Variants in KDM4A observed in about 807,000 individuals in gnomAD.
The protein encoded by KDM4A is lysine-specific demethylase 4A.
Under a neutral mutation model 127.1 loss-of-function variants are expected in KDM4A, and 23 were observed. The observed-to-expected ratio is 0.18, with a 90% CI of 0.13 to 0.26. The LOEUF is 0.26. Ranked by LOEUF, KDM4A falls within the 10% of genes least tolerant of loss-of-function variation. The pLI is 1.00. For synonymous variants in KDM4A, 443 were observed against 466.5 expected (o/e 0.95, Z 0.65); for missense variants, 890 against 1,329.1 (o/e 0.67, Z 5.14).
chr1:43,701,470 C>CT (rs1362065073), intron 19 of KDM4A, among the ~76,000 whole-genome samples: 1 of 152,088 alleles, frequency 6.6e-6, no homozygotes, highest in Non-Finnish European at 1.5e-5. Flanking sequence ...TTGTCAGTCA[C>CT]TTTTTTCTTT....
chr1:43,654,499 C>A (rs1425841685), intron 2 of KDM4A, among the ~76,000 whole-genome samples: 2 of 149,544 alleles, frequency 1.3e-5, no homozygotes, highest in African/African-American at 4.9e-5. Context: ...ACATATATTC[C>A]TCCCTCTAGG....
chr1:43,674,909 C>G (rs1246180510), intron 11 of KDM4A, among the ~76,000 whole-genome samples: 1 of 152,108 alleles, frequency 6.6e-6, no homozygotes, highest in Non-Finnish European at 1.5e-5. Flanking sequence ...AGAATGCACT[C>G]CCTCTCCAAA....
At chr1:43,689,712 A>G (rs3791036) in intron 13 of KDM4A, among the ~76,000 whole-genome samples, 102,966 of 152,092 alleles carry the variant, frequency 0.68, 35,228 homozygotes, top group East Asian at 0.72. Context: ...GCAGGTGCCA[A>G]GGGACCAGCT....
intron 10 of KDM4A, among the ~76,000 whole-genome samples, chr1:43,670,556 A>ATT (rs35331772): frequency 0.014 from 1,044 of 76,118 alleles, 36 homozygotes; most frequent in African/African-American, 0.04. Context: ...CGCCTGGCTA[A>ATT]TTTTTTTTTT....
intron 12 of KDM4A, among the ~76,000 whole-genome samples, chr1:43,686,839 T>G (rs1428541490): frequency 6.6e-6 from 1 of 152,252 alleles, no homozygotes; most frequent in African/African-American, 2.4e-5. Context: ...TTCAGTGATA[T>G]GCACACATTT....
At chr1:43,680,025 G>A (rs1159171843) in intron 11 of KDM4A, among the ~76,000 whole-genome samples, 3 of 152,134 alleles carry the variant, frequency 2.0e-5, no homozygotes, top group South Asian at 2.1e-4. Flanking sequence ...CTAGTTGGTC[G>A]AACCCTGACC....
At chr1:43,665,976 C>T (rs1458531725) in intron 6 of KDM4A, among the ~76,000 whole-genome samples, 2 of 152,028 alleles carry the variant, frequency 1.3e-5, no homozygotes, top group African/African-American at 2.4e-5. Flanking sequence ...CTTTGACCAG[C>T]GATAATGAAC....
chr1:43,692,260 G>A lies in KDM4A; in HGVS notation c.2324G>A (p.Cys775Tyr). Residue 775 changes from cysteine (C) to tyrosine (Y), a missense_variant, in exon 16 of 22, where the codon TGC becomes TAC. Coordinates refer to ENST00000372396, the MANE Select transcript of KDM4A (RefSeq NM_014663.3). ...RCSANALEED[C>Y]CLCSLRGGAL... ...CTCCCTCTCCTTTCTTGGCAGGACT[G>A]CTGTTTATGCTCATTACGAGGAGGG... The A allele has an allele frequency of 6.2e-7, 1 of 1,614,136 alleles. No individual in the cohort carries two copies. Among genetic ancestry groups the A allele is most frequent in the Non-Finnish European group, 8.5e-7 (1 of 1,179,974 alleles).
Position 43,668,086 on chromosome 1 carries a change from T to G in KDM4A, c.1163+67T>G, listed in dbSNP as rs546865718. On this transcript the variant is annotated intron_variant, in intron 9 of 21. Transcript: ENST00000372396. ...ATGTCTGGGTAGGTCCTGTAATCTG[T>G]GGAGAGGCTGTTTCTTGTTTTTTTT... 876 of 1,558,866 alleles carry G rather than the reference T, an allele frequency of 5.6e-4. 3 individuals are homozygous for G. The African/African-American group carries it at 0.011, about 19-fold the overall frequency.
chr1:43,661,050 C>T (rs1660363713), intron 4 of KDM4A, among the ~76,000 whole-genome samples: 1 of 151,638 alleles, frequency 6.6e-6, no homozygotes, highest in African/African-American at 2.4e-5. Context: ...TCTCAGCTTA[C>T]CGCAACCTCC....
At position 43,686,948 on chromosome 1, in the gene KDM4A, G is replaced by A. The variant is rs143155035; in HGVS notation, c.1856-1966G>A. ...AGTGAACATTTTCCCTCATCATTCA[G>A]TATTCACAAATGGAATGATCTGGGG... On this transcript the variant is annotated intron_variant, in intron 12 of 21. Coordinates refer to ENST00000372396, the MANE Select transcript of KDM4A (RefSeq NM_014663.3). 1.2e-4 allele frequency among the ~76,000 whole-genome samples: 19 copies of A among 152,268 alleles called. No homozygotes were observed. The East Asian group carries it at 3.7e-3, about 29-fold the overall frequency.
Position 43,693,670 on chromosome 1 carries a change from C to T in KDM4A, c.2376-324C>T, listed in dbSNP as rs1369922635. On this transcript the variant is annotated intron_variant, in intron 16 of 21. Transcript: ENST00000372396. The surrounding 1 kb of genome is among the most constrained non-coding windows in gnomAD (Gnocchi z 4.2). ...GGTAAAGAGGTCTGCATAGAGCTTT[C>T]CAGTTTATTCTCACTCCCTGAGACC... is the stretch of plus-strand genomic sequence containing the variant. Among the ~76,000 whole-genome samples the T allele has an allele frequency of 2.0e-5, 3 of 152,188 alleles. No individual in the cohort carries two copies. Among genetic ancestry groups the T allele is most frequent in the Non-Finnish European group, 2.9e-5 (2 of 68,040 alleles).
intron 19 of KDM4A, chr1:43,699,768 C>T (rs1183635266): frequency 2.0e-5 from 3 of 148,170 alleles, no homozygotes; most frequent in Non-Finnish European, 4.4e-5. Flanking sequence ...GTTGCCCAGG[C>T]TGGAGTACGG....
chr1:43,701,165 C>G (rs1185199853), intron 19 of KDM4A, among the ~76,000 whole-genome samples: 1 of 151,442 alleles, frequency 6.6e-6, no homozygotes. Flanking sequence ...GTGATCTGCC[C>G]GCCTTGGCCT....
In KDM4A at chr1:43,671,777, A is replaced by G. The variant is rs2154047397; in HGVS notation, c.1636A>G (p.Ser546Gly). 6.2e-7 allele frequency: 1 copy of G among 1,613,388 alleles called. No homozygotes were observed. Among genetic ancestry groups the G allele is most frequent in the South Asian group, 1.1e-5 (1 of 90,966 alleles). ...QGQTGVLTVH[S>G]YAKGDGRVTV... ...GCAAACGGGAGTTCTCACTGTGCAC[A>G]GTTATGCCAAAGGGGATGGCAGGGT... Residue 546 changes from serine to glycine, a missense_variant, in exon 11 of 22, where the codon AGT (serine) becomes GGT (glycine). Transcript: ENST00000372396.
At chr1:43,671,443 T>C (rs929795856) in intron 10 of KDM4A, 62 bp from the exon 11 acceptor site, 9 of 1,486,670 alleles carry the variant, frequency 6.1e-6, no homozygotes, top group East Asian at 2.4e-5. Context: ...GCCCTCTGCC[T>C]TTCATCAGGT....
chr1:43,697,338 GGCAGGGC>G (rs1185607219), intron 18 of KDM4A, among the ~76,000 whole-genome samples: 2 of 152,246 alleles, frequency 1.3e-5, no homozygotes, highest in Non-Finnish European at 2.9e-5. Flanking sequence ...AGATGGCAAT[GGCAGGGC>G]CCTTGGAATG....
chr1:43,681,509 T>C (rs891444388), intron 11 of KDM4A, among the ~76,000 whole-genome samples: 1 of 152,210 alleles, frequency 6.6e-6, no homozygotes, highest in Non-Finnish European at 1.5e-5. Context: ...GGGTACATGT[T>C]GTGTACCCTA....
intron 1 of KDM4A, among the ~76,000 whole-genome samples, chr1:43,650,830 C>T (rs1017649920): frequency 1.7e-4 from 26 of 152,350 alleles, no homozygotes; most frequent in African/African-American, 6.0e-4. Flanking sequence ...TAATAAACGG[C>T]AGAGACCGGA....
Sources: allele counts gnomAD v4.1 joint callset (sites outside exome capture counted in the v4.1 genomes callset), GRCh38; gene constraint gnomAD v4.1.1; non-coding constraint Gnocchi (gnomAD v3.1); transcripts MANE v1.5; gene names NCBI Gene and HGNC (gene_info 2026-07-23, HGNC 2026-07-21).